The following ST7 variants were observed in gnomAD, a reference collection of about 807,000 sequenced individuals.
ST7 encodes the protein suppression of tumorigenicity 7, also known as suppressor of tumorigenicity 7 protein.
Under a neutral mutation model 78.7 loss-of-function variants are expected in ST7, and 28 were observed. The observed-to-expected ratio is 0.36, with a 90% CI of 0.26 to 0.49. The LOEUF is 0.49. ST7 is among the 20% of genes least tolerant of loss of function. The pLI, the probability that ST7 is intolerant of heterozygous loss-of-function variation, is 0.99. For missense variants in ST7, 418 were observed against 696.0 expected, an observed-to-expected ratio of 0.60 and a Z score of 4.49; for synonymous variants, 247 against 249.6, an observed-to-expected ratio of 0.99 and a Z score of 0.10.
chr7:117,053,638 G>T (rs1797906621), intron 1 of ST7, among the ~76,000 whole-genome samples: 1 of 152,188 alleles, frequency 6.6e-6, no homozygotes, highest in Admixed American at 6.5e-5. Context: ...CCACCCTTCA[G>T]TCAGCAACTG....
At chr7:116,976,672 A>G (rs1026619183) in intron 1 of ST7, among the ~76,000 whole-genome samples, 3 of 152,216 alleles carry the variant, frequency 2.0e-5, no homozygotes, top group Non-Finnish European at 2.9e-5. Flanking sequence ...TATATTCTGT[A>G]TATTCTAGTG....
intron 1 of ST7, chr7:117,023,114 CA>C (rs2116056807): frequency 6.6e-6 from 1 of 152,268 alleles, no homozygotes; most frequent in Non-Finnish European, 1.5e-5. Flanking sequence ...TCTTCATTTT[CA>C]AATATTGTAT....
intron 9 of ST7, chr7:117,146,151 T>TA (rs1321621293): frequency 6.6e-6 from 1 of 152,212 alleles, no homozygotes; most frequent in African/African-American, 2.4e-5. Flanking sequence ...CCTATAAAAT[T>TA]ACAAAAGTAA....
chr7:117,031,509 T>A (rs71213277), intron 1 of ST7, among the ~76,000 whole-genome samples: 3,789 of 74,834 alleles, frequency 0.051, 1,854 homozygotes, highest in East Asian at 0.093. Context: ...CATATATGTG[T>A]GTATATGTGC....
At chr7:117,117,641 T>C (rs2116927855) in intron 2 of ST7, among the ~76,000 whole-genome samples, 1 of 152,270 alleles carries the variant, frequency 6.6e-6, no homozygotes, top group Middle Eastern at 3.4e-3. Context: ...ACAGGCAAAA[T>C]GCTGTAGTAA....
At chr7:116,975,894 A>G (rs941954673) in intron 1 of ST7, among the ~76,000 whole-genome samples, 9 of 152,168 alleles carry the variant, frequency 5.9e-5, no homozygotes, top group Non-Finnish European at 8.8e-5. Flanking sequence ...AGCATCTTCA[A>G]CTTTACTGGG....
intron 1 of ST7, among the ~76,000 whole-genome samples, chr7:117,096,145 G>A (rs1801026476): frequency 7.0e-6 from 1 of 143,660 alleles, no homozygotes; most frequent in Admixed American, 7.0e-5. Flanking sequence ...ATACCTCACA[G>A]TTTTCTGGTC....
At chr7:117,105,246 C>T (rs943939785) in intron 2 of ST7, among the ~76,000 whole-genome samples, 1 of 152,174 alleles carries the variant, frequency 6.6e-6, no homozygotes, top group Admixed American at 6.5e-5. Flanking sequence ...CATATTCTCA[C>T]TCATATATGG....
chr7:117,079,503 T>C (rs1186392385), intron 1 of ST7, among the ~76,000 whole-genome samples: 1 of 152,244 alleles, frequency 6.6e-6, no homozygotes, highest in Admixed American at 6.5e-5. Flanking sequence ...TTCTCATTGG[T>C]TCTTTTAGAA....
intron 1 of ST7, among the ~76,000 whole-genome samples, chr7:117,065,316 C>T (rs1394881635): frequency 6.7e-6 from 1 of 149,722 alleles, no homozygotes; most frequent in Admixed American, 6.7e-5. Context: ...TCACGCCATT[C>T]TCCCGCCTCA....
intron 10 of ST7, among the ~76,000 whole-genome samples, chr7:117,186,375 AC>A (rs1421264225): frequency 6.6e-6 from 1 of 152,164 alleles, no homozygotes; most frequent in Non-Finnish European, 1.5e-5. Flanking sequence ...AACTATGATA[AC>A]GCATATGGCC....
chr7:116,993,809 A>T (rs960824684), intron 1 of ST7, among the ~76,000 whole-genome samples: 16 of 152,252 alleles, frequency 1.1e-4, no homozygotes, highest in African/African-American at 3.9e-4. Context: ...ACTAGCAATA[A>T]GAGAGGTTCT....
intron 1 of ST7, among the ~76,000 whole-genome samples, chr7:116,978,568 T>TTCTATCTA (rs201403117): frequency 5.3e-4 from 80 of 152,136 alleles, no homozygotes; most frequent in Admixed American, 1.5e-3. Flanking sequence ...ATATCATACA[T>TTCTATCTA]TCTATCTATC....
chr7:117,226,370 A>G (rs968829735), intron 15 of ST7, among the ~76,000 whole-genome samples: 11 of 152,112 alleles, frequency 7.2e-5, no homozygotes, highest in Non-Finnish European at 1.3e-4. Context: ...ATGACCATGT[A>G]TCTCTGCCCT....
At chr7:117,217,682 A>G (rs1018079907) in intron 13 of ST7, among the ~76,000 whole-genome samples, 3 of 152,172 alleles carry the variant, frequency 2.0e-5, no homozygotes, top group Non-Finnish European at 1.5e-5. Flanking sequence ...TTTTAAGCAG[A>G]GTTAAAGTCT....
chr7:117,002,639 CTGTGTG>C (rs140099821), intron 1 of ST7, among the ~76,000 whole-genome samples: 3 of 145,828 alleles, frequency 2.1e-5, no homozygotes, highest in African/African-American at 5.1e-5. Context: ...GTAGTTGAGG[CTGTGTG>C]TGTGTGTGTG....
chr7:117,037,460 G>A (rs1796951508), intron 1 of ST7, among the ~76,000 whole-genome samples: 1 of 152,210 alleles, frequency 6.6e-6, no homozygotes, highest in African/African-American at 2.4e-5. Context: ...TGTAACCTGA[G>A]TTACAAATAG....
At chr7:117,152,202 T>TATATATATATATATATAC (rs1563124729) in intron 9 of ST7, among the ~76,000 whole-genome samples, 22 of 76,184 alleles carry the variant, frequency 2.9e-4, no homozygotes, top group African/African-American at 1.1e-3. Context: ...TATATATATA[T>TATATATATATATATATAC]ATATATATAT....
chr7:117,037,495 C>T lies in ST7; in HGVS notation c.152-62267C>T, dbSNP rs145803191. 4.2e-3 allele frequency among the ~76,000 whole-genome samples: 643 copies of T among 152,262 alleles called. 2 individuals are homozygous for T. Among genetic ancestry groups the T allele is most frequent in the Middle Eastern group, 0.014 (4 of 294 alleles). ...GACCTTTTCTTTCAGAATTGAGATA[C>T]GGGAGTGCTGTGATCTTTTCACATT... On this transcript the variant is annotated intron_variant, in intron 1 of 15. Transcript: ENST00000323984.
Sources: gnomAD v4.1 joint callset for allele counts (sites outside exome capture counted in the v4.1 genomes callset) on GRCh38, gnomAD v4.1.1 for gene constraint, MANE v1.5 for transcripts, NCBI Gene and HGNC (gene_info 2026-07-23, HGNC 2026-07-21) for gene names.